Variants in ADAMTS9 observed in about 807,000 individuals in gnomAD.
The protein encoded by ADAMTS9 is A disintegrin and metalloproteinase with thrombospondin motifs 9.
Under a neutral mutation model 257.1 loss-of-function variants are expected in ADAMTS9, and 107 were observed. That is an observed-to-expected ratio of 0.42 (90% confidence interval 0.36 to 0.49). The LOEUF is 0.49. Ranked by LOEUF, ADAMTS9 falls within the 20% of genes least tolerant of loss-of-function variation. ADAMTS9 has a pLI of 0.03. For synonymous variants in ADAMTS9, 982 were observed against 880.9 expected (o/e 1.11, Z -2.03); for missense variants, 2,353 against 2,469.1 (o/e 0.95, Z 1.00).
intron 3 of ADAMTS9, among the ~76,000 whole-genome samples, chr3:64,664,197 GA>G (rs1399538886): frequency 1.3e-5 from 2 of 152,030 alleles, no homozygotes; most frequent in Admixed American, 6.5e-5. Context: ...GGAAAGCACT[GA>G]AAAAATGGTC....
At chr3:64,653,764 TA>T (rs1026179648) in intron 8 of ADAMTS9, among the ~76,000 whole-genome samples, 2 of 152,166 alleles carry the variant, frequency 1.3e-5, no homozygotes, top group African/African-American at 4.8e-5. Flanking sequence ...GCTCTATCTC[TA>T]AAAAACAAAA....
intron 12 of ADAMTS9, among the ~76,000 whole-genome samples, chr3:64,641,106 A>T (rs975996457): frequency 3.3e-5 from 5 of 152,238 alleles, no homozygotes; most frequent in African/African-American, 1.2e-4. Context: ...GAAAAAAAAT[A>T]AAAAGTAATT....
At chr3:64,595,861 A>G (rs1236020797) in intron 27 of ADAMTS9, among the ~76,000 whole-genome samples, 1 of 152,172 alleles carries the variant, frequency 6.6e-6, no homozygotes, top group Admixed American at 6.6e-5. Context: ...TAAATGTTAT[A>G]GTCAAGACAG....
At chr3:64,574,570 A>AAAAAG (rs1156890291) in intron 28 of ADAMTS9, among the ~76,000 whole-genome samples, 7 of 151,622 alleles carry the variant, frequency 4.6e-5, no homozygotes, top group African/African-American at 1.5e-4. Flanking sequence ...AAAAAAAAAA[A>AAAAAG]AAAAAAAGAA....
At chr3:64,643,974 A>G (rs1488929432) in intron 11 of ADAMTS9, among the ~76,000 whole-genome samples, 1 of 152,172 alleles carries the variant, frequency 6.6e-6, no homozygotes, top group Non-Finnish European at 1.5e-5. Context: ...CTCTTTTACA[A>G]AATAACTCTG....
intron 28 of ADAMTS9, 115 bp from the exon 29 acceptor site, chr3:64,568,650 CT>C: frequency 1.6e-6 from 2 of 1,236,644 alleles, no homozygotes; most frequent in South Asian, 1.3e-5. Flanking sequence ...CCATTCCCCT[CT>C]TTTACAGCGC....
intron 23 of ADAMTS9, 49 bp from the exon 24 acceptor site, chr3:64,604,380 A>T (rs377132152): frequency 1.5e-6 from 2 of 1,324,162 alleles, no homozygotes; most frequent in East Asian, 2.3e-5. Context: ...AAGTCAATGC[A>T]CTTTCAAGGT....
At chr3:64,568,621 CAAT>C in intron 28 of ADAMTS9, 86 bp from the exon 29 acceptor site, 1 of 1,472,478 alleles carries the variant, frequency 6.8e-7, no homozygotes, top group Non-Finnish European at 9.3e-7. Context: ...GATGTTAAGA[CAAT>C]GCCTAACAAG....
chr3:64,552,654 C>A (rs922794510), intron 30 of ADAMTS9, among the ~76,000 whole-genome samples: 2 of 151,304 alleles, frequency 1.3e-5, no homozygotes, highest in Non-Finnish European at 2.9e-5. Context: ...TTTGCTATAG[C>A]CTCGACTTCC....
chr3:64,526,593 C>A (rs2082913092), intron 38 of ADAMTS9, among the ~76,000 whole-genome samples: 1 of 152,162 alleles, frequency 6.6e-6, no homozygotes, highest in Admixed American at 6.5e-5. Flanking sequence ...CCAGGGCCTT[C>A]ACGATACAGG....
At chr3:64,544,111 AAG>A (rs2083165378) in intron 32 of ADAMTS9, among the ~76,000 whole-genome samples, 1 of 152,166 alleles carries the variant, frequency 6.6e-6, no homozygotes, top group African/African-American at 2.4e-5. Flanking sequence ...AACGAAATAA[AAG>A]AGGACACAAA....
chr3:64,622,153 A>C (rs562165237), intron 18 of ADAMTS9, 45 bp downstream of exon 18: 59 of 1,555,912 alleles, frequency 3.8e-5, no homozygotes, highest in Non-Finnish European at 4.3e-5. Flanking sequence ...TAAATAAATA[A>C]AATAAACTTC....
chr3:64,622,113 T>G, intron 18 of ADAMTS9, 85 bp downstream of exon 18: 2 of 1,384,206 alleles, frequency 1.4e-6, no homozygotes, highest in Non-Finnish European at 1.9e-6. Context: ...GTTTGCAGTT[T>G]GCATGCATTT....
At chr3:64,561,195 T>G (rs978577253) in intron 30 of ADAMTS9, 19 of 161,354 alleles carry the variant, frequency 1.2e-4, no homozygotes, top group Middle Eastern at 3.0e-3. Flanking sequence ...ACCTAAAGTC[T>G]GCCCTGCGGC....
At chr3:64,669,390 C>T (rs1057216393) in intron 3 of ADAMTS9, among the ~76,000 whole-genome samples, 2 of 152,078 alleles carry the variant, frequency 1.3e-5, no homozygotes, top group African/African-American at 4.8e-5. Context: ...CCTTTTGTTA[C>T]AGCCTGGAAA....
At chr3:64,627,425 C>T (rs1387075454) in intron 16 of ADAMTS9, among the ~76,000 whole-genome samples, 2 of 152,060 alleles carry the variant, frequency 1.3e-5, no homozygotes, top group Non-Finnish European at 2.9e-5. Context: ...TGCATCGATT[C>T]CCATCTTCCC....
At chr3:64,618,289 T>C (rs1469342701) in intron 19 of ADAMTS9, among the ~76,000 whole-genome samples, 1 of 152,216 alleles carries the variant, frequency 6.6e-6, no homozygotes, top group Non-Finnish European at 1.5e-5. Flanking sequence ...GGTGCTATTA[T>C]TACCATTGGC....
intron 4 of ADAMTS9, among the ~76,000 whole-genome samples, chr3:64,656,890 T>C (rs370570497): frequency 6.6e-6 from 1 of 152,040 alleles, no homozygotes; most frequent in African/African-American, 2.4e-5. Flanking sequence ...CCAAACAGGA[T>C]TGCTTTTCAC....
At chr3:64,642,712 A>G (rs1270850032) in intron 11 of ADAMTS9, among the ~76,000 whole-genome samples, 2 of 152,230 alleles carry the variant, frequency 1.3e-5, no homozygotes, top group African/African-American at 4.8e-5. Flanking sequence ...AAGCCCTGAC[A>G]CAAAGCCGAG....
Sources: gnomAD v4.1 joint callset for allele counts (sites outside exome capture counted in the v4.1 genomes callset) on GRCh38, gnomAD v4.1.1 for gene constraint, MANE v1.5 for transcripts, NCBI Gene and HGNC (gene_info 2026-07-23, HGNC 2026-07-21) for gene names.